SERINC2: variants seen among roughly 807,000 people sequenced by gnomAD.
SERINC2 encodes serine incorporator 2, also known as tumor differentially expressed protein 2.
In SERINC2, 56 loss-of-function variants were observed where a neutral mutation model predicts 54.2. That is an observed-to-expected ratio of 1.03 (90% CI 0.83 to 1.29). SERINC2 has a LOEUF of 1.29. SERINC2 is among the 50% of genes most tolerant of loss of function. The pLI, the probability that SERINC2 is intolerant of heterozygous loss-of-function variation, is 0.00. For synonymous variants in SERINC2, 272 were observed against 253.1 expected (o/e 1.07, Z -0.71); for missense variants, 614 against 607.4 (o/e 1.01, Z -0.12).
chr1:31,417,949 C>A (rs180860944), intron 1 of SERINC2, among the ~76,000 whole-genome samples: 1 of 150,546 alleles, frequency 6.6e-6, no homozygotes. Flanking sequence ...TTCCACCTCC[C>A]GGGTTCAAGC....
intron 1 of SERINC2, among the ~76,000 whole-genome samples, chr1:31,418,654 C>T (rs1390186285): frequency 6.6e-6 from 1 of 152,192 alleles, no homozygotes; most frequent in Non-Finnish European, 1.5e-5. Flanking sequence ...GGATTACAGG[C>T]ATGAACCACC....
intron 2 of SERINC2, among the ~76,000 whole-genome samples, chr1:31,424,472 C>T (rs1557493157): frequency 6.6e-6 from 1 of 152,218 alleles, no homozygotes; most frequent in Non-Finnish European, 1.5e-5. Context: ...GGGGAGCTCC[C>T]TCCCAGGGCT....
At chr1:31,433,383 G>A (rs1308584101) in intron 9 of SERINC2, among the ~76,000 whole-genome samples, 198 bp downstream of exon 9, 17 of 152,086 alleles carry the variant, frequency 1.1e-4, no homozygotes, top group East Asian at 3.9e-4. Flanking sequence ...CTCAGCTCCC[G>A]CACCTTCACT....
Position 31,413,448 on chromosome 1 carries a change from C to A in SERINC2, c.39+144C>A. The A allele has an allele frequency of 2.6e-6, 1 of 387,864 alleles. No individual in the cohort carries two copies. Among genetic ancestry groups the A allele is most frequent in the Non-Finnish European group, 4.2e-6 (1 of 238,224 alleles). The allele number at this position is 387,864 out of a possible 1,614,324, so 24.0% of individuals were successfully genotyped here. On this transcript the variant is annotated intron_variant, in intron 1 of 9. Coordinates refer to ENST00000373709, the MANE Select transcript of SERINC2 (RefSeq NM_178865.5). The surrounding 1 kb of genome is among the most constrained non-coding windows in gnomAD (Gnocchi z 5.0). ...TGGGCCGGTGCCCCGCCTGCTCGCCCTCCTGGACCTTCACTCGGCACCCGG... is the reference window on the plus strand; with the variant it reads ...TGGGCCGGTGCCCCGCCTGCTCGCCATCCTGGACCTTCACTCGGCACCCGG...
At chr1:31,431,913 T>TGGAG in intron 8 of SERINC2, among the ~76,000 whole-genome samples, 1 of 42,388 alleles carries the variant, frequency 2.4e-5, no homozygotes, top group Non-Finnish European at 7.5e-5. Context: ...ATAGGGTGGA[T>TGGAG]AGGGTGGTTA....
chr1:31,413,902 C>A lies in SERINC2; in HGVS notation c.39+598C>A. The A allele has an allele frequency of 6.9e-7, 1 of 1,454,218 alleles. No homozygotes were observed. 90.1% of individuals were successfully genotyped at this position (1,454,218 alleles called of 1,614,324 possible). On this transcript the variant is annotated intron_variant, in intron 1 of 9. Transcript: ENST00000373709. The surrounding 1 kb of genome is among the most constrained non-coding windows in gnomAD (Gnocchi z 5.0). ...CTGTCCGTCTGCCCGTCCGCCCGTCCGTCCCTCAGTCTCTCTGCGGTCCCT... is the reference window on the plus strand; with the variant it reads ...CTGTCCGTCTGCCCGTCCGCCCGTCAGTCCCTCAGTCTCTCTGCGGTCCCT...
chr1:31,434,450 C>A lies in SERINC2; in HGVS notation c.*251C>A. 1.9e-6 allele frequency: 1 copy of A among 539,446 alleles called. No individual in the cohort carries two copies. Among genetic ancestry groups the A allele is most frequent in the Non-Finnish European group, 3.3e-6 (1 of 302,838 alleles). 33.4% of individuals were successfully genotyped at this position (539,446 alleles called of 1,614,324 possible). A position where few individuals can be genotyped will look rare whatever the true frequency, so the allele number is the denominator to read the frequency against. On this transcript the variant is annotated 3_prime_UTR_variant, in exon 10 of 10. Transcript: ENST00000373709. ...GGAGCTGCCTCTTCCTTCCCCTCCT[C>A]CCTGTTGCCCATACTCAGCATCTCG...
intron 7 of SERINC2, 74 bp downstream of exon 7, chr1:31,429,142 AC>A: frequency 7.4e-7 from 1 of 1,359,446 alleles, no homozygotes; most frequent in Non-Finnish European, 1.1e-6. Context: ...GGGGCTGGGG[AC>A]CCTCACAGGT....
Position 31,415,915 on chromosome 1 carries a change from C to T in SERINC2, c.39+2611C>T, listed in dbSNP as rs1175702973. 1.5e-5 allele frequency: 15 copies of T among 984,138 alleles called. No homozygotes were observed. In the African/African-American group the frequency reaches 2.7e-4, roughly 18 times the overall value. The allele number at this position is 984,138 out of a possible 1,614,324, so 61.0% of individuals were successfully genotyped here. The stretch of plus-strand genomic sequence containing the variant: ...AGGTGAACTGGGCTGAAGGTGGGTC[C>T]TGCTTTGGATGGGGAGGTAAGATGG... On this transcript the variant is annotated intron_variant, in intron 1 of 9. Coordinates refer to ENST00000373709, the MANE Select transcript of SERINC2 (RefSeq NM_178865.5).
intron 8 of SERINC2, among the ~76,000 whole-genome samples, chr1:31,432,371 T>C (rs536050329): frequency 6.6e-6 from 1 of 152,196 alleles, no homozygotes; most frequent in Admixed American, 6.5e-5. Flanking sequence ...TCAAATTCTG[T>C]TAAAAACATC....
rs1640687236 is a variant in SERINC2 at position 31,413,222 on chromosome 1, GC to G, written c.-40del. ...CCGGCACCCGGATCCCGAGGTCCGCGCCCCGCGCCCGGCGCCGGGCGCCCGA... is the reference window on the plus strand; with the variant it reads ...CCGGCACCCGGATCCCGAGGTCCGCGCCCGCGCCCGGCGCCGGGCGCCCGA... On this transcript the variant is annotated 5_prime_UTR_variant, in exon 1 of 10. Transcript: ENST00000373709. The surrounding 1 kb of genome is among the most constrained non-coding windows in gnomAD (Gnocchi z 5.0). 1 of 1,112,082 alleles carries G rather than the reference GC, an allele frequency of 9.0e-7. No homozygotes were observed. Among genetic ancestry groups the G allele is most frequent in the Non-Finnish European group, 1.1e-6 (1 of 914,384 alleles). 68.9% of individuals were successfully genotyped at this position (1,112,082 alleles called of 1,614,324 possible).
chr1:31,410,143 A>G, upstream of SERINC2: 1 of 1,420,682 alleles, frequency 7.0e-7, no homozygotes. Flanking sequence ...CCAACCCTCC[A>G]GTGAGGCTCA....
intron 2 of SERINC2, 100 bp from the exon 3 acceptor site, chr1:31,424,583 T>C (rs1021676029): frequency 1.3e-5 from 13 of 1,033,440 alleles, no homozygotes; most frequent in Non-Finnish European, 1.8e-5. Flanking sequence ...AGAGCCTCTT[T>C]CCTGGCCGGC....
chr1:31,432,988 G>T lies in SERINC2; in HGVS notation c.1035G>T (p.Arg345=). ...LFISLRSSDH[R]QVNSLMQTEE... is the part of the protein sequence containing the mutation. ...GCAGTCTGCGCTCCTCAGACCACCG[G>T]CAGGTGAACAGCCTGATGCAGACCG... is the stretch of plus-strand genomic sequence containing the variant. The change falls in exon 9 of 10, where the codon CGG becomes CGT. Residue 345 remains arginine (R), a synonymous_variant. Coordinates refer to ENST00000373709, the MANE Select transcript of SERINC2 (RefSeq NM_178865.5). 1 of 1,611,810 alleles carries T rather than the reference G, an allele frequency of 6.2e-7. No homozygotes were observed.
rs1641369990 is a variant in SERINC2 at position 31,433,152 on chromosome 1, T to C, written c.1199T>C (p.Leu400Pro). ...CACTTCTGCCTGGTGCTGGCCTCAC[T>C]GCACGTCATGATGACGCTCACCAAC... Reference protein sequence around the residue: ...FFHFCLVLASLHVMMTLTNWY... With the variant: ...FFHFCLVLASPHVMMTLTNWY... The change falls in exon 9 of 10, where the codon CTG becomes CCG. Residue 400 changes from leucine to proline, a missense_variant. Coordinates refer to ENST00000373709, the MANE Select transcript of SERINC2 (RefSeq NM_178865.5). The C allele has an allele frequency of 1.9e-6, 3 of 1,613,652 alleles. No homozygotes were observed. The highest frequency in any genetic ancestry group is 2.5e-6 in the Non-Finnish European group (3 of 1,179,990).
intron 4 of SERINC2, 115 bp downstream of exon 4, chr1:31,425,524 C>A: frequency 1.1e-6 from 1 of 936,254 alleles, no homozygotes; most frequent in Non-Finnish European, 1.7e-6. Flanking sequence ...TGGCTGCTGG[C>A]TAGGTCCTCG....
Position 31,434,304 on chromosome 1 carries a change from C to T in SERINC2, c.*105C>T. Reference sequence around the variant, plus strand: ...CCACACCAATCAGCCAGGCTGAGCCCCCACCCCTGCCCCAGCTCCAGGACC... The same window carrying T: ...CCACACCAATCAGCCAGGCTGAGCCTCCACCCCTGCCCCAGCTCCAGGACC... On this transcript the variant is annotated 3_prime_UTR_variant, in exon 10 of 10. Transcript: ENST00000373709. 8.3e-7 allele frequency: 1 copy of T among 1,208,200 alleles called. No individual in the cohort carries two copies. The allele number at this position is 1,208,200 out of a possible 1,614,324, so 74.8% of individuals were successfully genotyped here.
At chr1:31,424,941 C>T in intron 3 of SERINC2, 68 bp downstream of exon 3, 1 of 1,368,034 alleles carries the variant, frequency 7.3e-7, no homozygotes, top group Admixed American at 2.1e-5. Flanking sequence ...CTCTGCCTGT[C>T]CAGGGATCTG....
intron 5 of SERINC2, 134 bp from the exon 6 acceptor site, chr1:31,426,520 G>A (rs1348194586): frequency 3.5e-5 from 23 of 662,136 alleles, no homozygotes; most frequent in Non-Finnish European, 5.6e-5. Context: ...GAAAGGCAGT[G>A]ACGTCATTCT....
Sources: allele counts gnomAD v4.1 joint callset (sites outside exome capture counted in the v4.1 genomes callset), GRCh38; gene constraint gnomAD v4.1.1; non-coding constraint Gnocchi (gnomAD v3.1); transcripts MANE v1.5; gene names NCBI Gene and HGNC (gene_info 2026-07-23, HGNC 2026-07-21).